CTNND2: variants seen among roughly 807,000 people sequenced by gnomAD.
CTNND2 encodes the protein catenin delta 2, also known as catenin delta-2.
CTNND2 carries 22 observed loss-of-function variants against 144.4 expected under a neutral mutation model. That is an observed-to-expected ratio of 0.15 (90% CI 0.11 to 0.22). CTNND2 has a LOEUF of 0.22. Ranked by LOEUF, CTNND2 falls within the 10% of genes least tolerant of loss-of-function variation. The probability of loss-of-function intolerance (pLI) is 1.00; values close to 1 mark genes in which losing one functional copy is unlikely to be tolerated. For missense variants in CTNND2, 1,353 were observed against 1,618.8 expected (o/e 0.84, Z 2.82); for synonymous variants, 751 against 695.6 (o/e 1.08, Z -1.25).
intron 3 of CTNND2, among the ~76,000 whole-genome samples, chr5:11,431,358 A>G (rs1210723519): frequency 6.6e-6 from 1 of 152,210 alleles, no homozygotes; most frequent in African/African-American, 2.4e-5. Context: ...ATGATGGATT[A>G]AAGTTAGCCA....
intron 9 of CTNND2, among the ~76,000 whole-genome samples, chr5:11,241,179 C>T (rs905830489): frequency 8.5e-5 from 13 of 152,168 alleles, no homozygotes; most frequent in East Asian, 1.9e-4. Flanking sequence ...CAGACACACA[C>T]AGAGGAGTCC....
chr5:11,066,451 C>T (rs1237429500), intron 16 of CTNND2, among the ~76,000 whole-genome samples: 1 of 151,564 alleles, frequency 6.6e-6, no homozygotes, highest in Non-Finnish European at 1.5e-5. Flanking sequence ...CAGCCCCCCT[C>T]ACTCCCTCCT....
chr5:10,992,612 G>A lies in CTNND2; in HGVS notation c.3150C>T (p.Pro1050=), dbSNP rs1166963690. ...SSTIERDRQR[P]YSSSRTPSIS... ...TGGAGGGCGTGCGGGAGGAGGAGTA[G>A]GGCCTTTGCCGGTCCCTCTCGATGG... Residue 1050 remains proline, a synonymous_variant, in exon 19 of 22, where the codon CCC becomes CCT. Coordinates refer to ENST00000304623, the MANE Select transcript of CTNND2 (RefSeq NM_001332.4). 2.2e-5 allele frequency: 35 copies of A among 1,614,038 alleles called. No homozygotes were observed. The highest frequency in any genetic ancestry group is 3.0e-5 in the Non-Finnish European group (35 of 1,180,040).
At chr5:11,556,913 T>C (rs369581882) in intron 3 of CTNND2, among the ~76,000 whole-genome samples, 2 of 152,194 alleles carry the variant, frequency 1.3e-5, no homozygotes, top group Non-Finnish European at 1.5e-5. Flanking sequence ...GGGTTAAAGA[T>C]GATTGCTTTA....
chr5:11,518,509 A>G (rs1031489484), intron 3 of CTNND2, among the ~76,000 whole-genome samples: 5 of 152,232 alleles, frequency 3.3e-5, no homozygotes, highest in Non-Finnish European at 7.3e-5. Flanking sequence ...TTGAGTCTAC[A>G]GTAGTGAACA....
chr5:11,707,735 T>C (rs1385330067), intron 2 of CTNND2, among the ~76,000 whole-genome samples: 2 of 152,214 alleles, frequency 1.3e-5, no homozygotes, highest in Non-Finnish European at 2.9e-5. Context: ...AAATCACTTT[T>C]GTAAGCCAAT....
At position 11,645,589 on chromosome 5, in the gene CTNND2, T is replaced by C. The variant is rs183262120; in HGVS notation, c.175-80533A>G. On this transcript the variant is annotated intron_variant, in intron 2 of 21. Transcript: ENST00000304623. Reference sequence around the variant, plus strand: ...TCCAGATATTTGAATATATCAATAATCATTATAGCCTTTCAACAACTGAGA... The same window carrying C: ...TCCAGATATTTGAATATATCAATAACCATTATAGCCTTTCAACAACTGAGA... Among the ~76,000 whole-genome samples the C allele has an allele frequency of 4.6e-5, 7 of 152,336 alleles. No homozygotes were observed. In the East Asian group the frequency reaches 1.3e-3, roughly 29 times the overall value.
At chr5:11,010,141 T>G (rs1006546808) in intron 18 of CTNND2, among the ~76,000 whole-genome samples, 1 of 152,234 alleles carries the variant, frequency 6.6e-6, no homozygotes, top group Admixed American at 6.5e-5. Context: ...TGAAAGTCCT[T>G]ATGTTCTTCC....
In CTNND2 at chr5:11,285,645, T is replaced by C. The variant is rs531712980; in HGVS notation, c.1629-48822A>G. 7.2e-5 allele frequency among the ~76,000 whole-genome samples: 11 copies of C among 152,234 alleles called. No individual in the cohort carries two copies. The South Asian group carries it at 2.3e-3, about 32-fold the overall frequency. ...CTGCAACAACCTCTTATGACTGCAG[T>C]AGAATGAAACGAAAGAATGGCAGGT... On this transcript the variant is annotated intron_variant, in intron 9 of 21. Transcript: ENST00000304623.
chr5:11,517,372 C>G (rs964819814), intron 3 of CTNND2, among the ~76,000 whole-genome samples: 2 of 152,184 alleles, frequency 1.3e-5, no homozygotes, highest in African/African-American at 4.8e-5. Context: ...AGGTAATTCT[C>G]AAACTGTCTA....
chr5:11,767,296 T>C (rs578208538), intron 1 of CTNND2, among the ~76,000 whole-genome samples: 2 of 152,314 alleles, frequency 1.3e-5, no homozygotes, highest in East Asian at 1.9e-4. Flanking sequence ...AGGAAAACCA[T>C]TGGCTACACA....
At chr5:11,622,823 C>A (rs946116204) in intron 2 of CTNND2, among the ~76,000 whole-genome samples, 1 of 152,102 alleles carries the variant, frequency 6.6e-6, no homozygotes, top group South Asian at 2.1e-4. Flanking sequence ...AAAGCAAACA[C>A]GCAAGTAAAA....
At chr5:11,748,793 T>C (rs1365135812) in intron 1 of CTNND2, among the ~76,000 whole-genome samples, 1 of 152,104 alleles carries the variant, frequency 6.6e-6, no homozygotes. Flanking sequence ...TTTTCAATTA[T>C]GTCCACAGGT....
chr5:11,313,687 CAACTGGGTAATTGCA>C (rs1171068922), intron 9 of CTNND2, among the ~76,000 whole-genome samples: 1 of 152,172 alleles, frequency 6.6e-6, no homozygotes, highest in Non-Finnish European at 1.5e-5. Flanking sequence ...GAAATAGCTG[CAACTGGGTAATTGCA>C]AACTGGGTAA....
intron 12 of CTNND2, among the ~76,000 whole-genome samples, chr5:11,125,803 G>A (rs570602680): frequency 3.9e-5 from 6 of 152,278 alleles, no homozygotes; most frequent in Admixed American, 1.3e-4. Context: ...CACACTCTTC[G>A]CTTTCCCTTA....
intron 2 of CTNND2, among the ~76,000 whole-genome samples, chr5:11,696,687 T>G (rs1219593269): frequency 6.6e-6 from 1 of 152,200 alleles, no homozygotes; most frequent in East Asian, 1.9e-4. Flanking sequence ...CATTTACCCC[T>G]CTTTAGTGGT....
chr5:11,767,370 T>C (rs1789655417), intron 1 of CTNND2, among the ~76,000 whole-genome samples: 1 of 152,168 alleles, frequency 6.6e-6, no homozygotes, highest in Non-Finnish European at 1.5e-5. Context: ...GGCATGTGTC[T>C]ATGCCTCCAT....
rs536414185 is a variant in CTNND2, at chr5:11,814,245, A to G, written c.38-81973T>C. 3.9e-5 allele frequency among the ~76,000 whole-genome samples: 6 copies of G among 152,338 alleles called. No individual in the cohort carries two copies. In the South Asian group the frequency reaches 1.2e-3, roughly 32 times the overall value. ...ATATAAAATGCATCTGTATTTTGAAATGGAATGTATCTTTGTGTATCTACA... is the reference window on the plus strand; with the variant it reads ...ATATAAAATGCATCTGTATTTTGAAGTGGAATGTATCTTTGTGTATCTACA... On this transcript the variant is annotated intron_variant, in intron 1 of 21. Transcript: ENST00000304623.
intron 2 of CTNND2, among the ~76,000 whole-genome samples, chr5:11,713,990 G>A (rs900063379): frequency 6.6e-6 from 1 of 152,150 alleles, no homozygotes; most frequent in Non-Finnish European, 1.5e-5. Context: ...TAACAAGACC[G>A]TAGCCTCGAC....
Sources: allele counts gnomAD v4.1 joint callset (sites outside exome capture counted in the v4.1 genomes callset), GRCh38; gene constraint gnomAD v4.1.1; transcripts MANE v1.5; gene names NCBI Gene and HGNC (gene_info 2026-07-23, HGNC 2026-07-21).